The following DYNC1H1 variants were observed in gnomAD, a reference collection of about 807,000 sequenced individuals.
The protein encoded by DYNC1H1 is dynein cytoplasmic 1 heavy chain 1.
A neutral mutation model predicts 527.1 loss-of-function variants in DYNC1H1; 51 were observed. The observed-to-expected ratio is 0.10, with a 90% CI of 0.08 to 0.12. The LOEUF (loss-of-function observed/expected upper bound fraction) is 0.12. DYNC1H1 is among the 10% of genes least tolerant of loss of function. DYNC1H1 has a pLI of 1.00. For missense variants in DYNC1H1, 2,771 were observed against 5,971.8 expected (o/e 0.46, Z 17.66); for synonymous variants, 2,189 against 2,278.8 (o/e 0.96, Z 1.12).
chr14:101,981,422 C>T (rs2047862600), intron 5 of DYNC1H1, among the ~76,000 whole-genome samples: 1 of 152,226 alleles, frequency 6.6e-6, no homozygotes, highest in Non-Finnish European at 1.5e-5. Context: ...CACTCACAGT[C>T]ATTATTACAA....
chr14:102,016,039 C>T lies in DYNC1H1; in HGVS notation c.7426C>T (p.His2476Tyr), dbSNP rs557305014. ...CRNVAQYNAN[H>Y]PDFPMQIEQL... is the part of the protein sequence containing the mutation. ...CAACGTGGCGCAGTATAACGCCAACCATCCCGACTTCCCCATGCAGATCGA... is the reference window on the plus strand; with the variant it reads ...CAACGTGGCGCAGTATAACGCCAACTATCCCGACTTCCCCATGCAGATCGA... The change falls in exon 36 of 78, where the codon CAT becomes TAT. Residue 2476 changes from histidine (H) to tyrosine (Y), a missense_variant. Around this residue, in one of 32 missense-constraint regions of DYNC1H1, gnomAD observed 122 missense variants for 168.4 expected, o/e 0.72. Coordinates refer to ENST00000360184, the MANE Select transcript of DYNC1H1 (RefSeq NM_001376.5). This position sits in a 1 kb window ranked among gnomAD's most constrained non-coding sequence, Gnocchi z 7.3. 1.9e-6 allele frequency: 3 copies of T among 1,613,494 alleles called. No individual in the cohort carries two copies. Among genetic ancestry groups the T allele is most frequent in the Admixed American group, 1.7e-5 (1 of 59,992 alleles).
Position 102,015,806 on chromosome 14 carries a change from C to T in DYNC1H1, c.7243-50C>T. 1 of 1,600,134 alleles carries T rather than the reference C, an allele frequency of 6.2e-7. No individual in the cohort carries two copies. Among genetic ancestry groups the T allele is most frequent in the Non-Finnish European group, 8.5e-7 (1 of 1,171,074 alleles). On this transcript the variant is annotated intron_variant, in intron 35 of 77. Transcript: ENST00000360184. The surrounding 1 kb of genome is among the most constrained non-coding windows in gnomAD (Gnocchi z 6.9). ...TGGGACCAGGTTAGAATCGATGAAACTCGCCTGCCTTTTGAAAGATAGTTA... is the reference window on the plus strand; with the variant it reads ...TGGGACCAGGTTAGAATCGATGAAATTCGCCTGCCTTTTGAAAGATAGTTA...
rs370064490 is a variant in DYNC1H1, at chr14:102,043,925, G to T, written c.12564G>T (p.Ala4188=). 1.2e-6 allele frequency: 2 copies of T among 1,614,112 alleles called. No homozygotes were observed. Among genetic ancestry groups the T allele is most frequent in the African/African-American group, 2.7e-5 (2 of 74,934 alleles). ...ACTTCCTGCTGGCCTGGTTTCATGC[G>T]ATCATCCAAGAACGCTTACGATACG... is the stretch of plus-strand genomic sequence containing the variant. ...RLYFLLAWFH[A]IIQERLRYAP... Residue 4188 remains alanine (A), a synonymous_variant, in exon 70 of 78, where the codon GCG becomes GCT. Coordinates refer to ENST00000360184, the MANE Select transcript of DYNC1H1 (RefSeq NM_001376.5).
At chr14:102,043,001 G>A in intron 69 of DYNC1H1, 2 of 516,516 alleles carry the variant, frequency 3.9e-6, no homozygotes, top group Admixed American at 2.9e-5. Context: ...GTCTGGGCAG[G>A]CCAGGAGTGG....
In DYNC1H1 at chr14:102,004,565, G is replaced by A; in HGVS notation, c.4931G>A (p.Ser1644Asn). 1 of 1,614,026 alleles carries A rather than the reference G, an allele frequency of 6.2e-7. No homozygotes were observed. Among genetic ancestry groups the A allele is most frequent in the Non-Finnish European group, 8.5e-7 (1 of 1,179,952 alleles). The change falls in exon 24 of 78, where the codon AGC (serine) becomes AAC (asparagine). Residue 1644 changes from serine to asparagine, a missense_variant. This residue lies in a region of DYNC1H1 where 51 missense variants were observed against 189.2 expected (regional missense o/e 0.27). Coordinates refer to ENST00000360184, the MANE Select transcript of DYNC1H1 (RefSeq NM_001376.5). ...DEDLLEIIGN[S>N]KNVAKLQKHF... ...GATTTGCTTGAAATCATTGGAAACA[G>A]CAAGAATGTCGCTAAATTACAGAAA...
intron 28 of DYNC1H1, 59 bp from the exon 29 acceptor site, chr14:102,008,119 G>A (rs1424434365): frequency 6.2e-7 from 1 of 1,608,238 alleles, no homozygotes; most frequent in African/African-American, 1.3e-5. Context: ...GCAAGGGAGA[G>A]GGGAGACAAT....
At chr14:102,032,931 T>G in intron 52 of DYNC1H1, 134 bp from the exon 53 acceptor site, 1 of 886,438 alleles carries the variant, frequency 1.1e-6, no homozygotes, top group Non-Finnish European at 1.9e-6. Flanking sequence ...AGGGTCAGTC[T>G]AGCTCATCCC....
chr14:102,048,196 G>T, intron 73 of DYNC1H1, 168 bp downstream of exon 73: 1 of 899,848 alleles, frequency 1.1e-6, no homozygotes, highest in Non-Finnish European at 1.7e-6. Context: ...TGGGCAAGAT[G>T]AGTTGGCCCT....
intron 29 of DYNC1H1, among the ~76,000 whole-genome samples, chr14:102,008,660 G>A (rs1372234182): frequency 6.6e-6 from 1 of 152,130 alleles, no homozygotes; most frequent in Non-Finnish European, 1.5e-5. Flanking sequence ...GGTGGTGCAC[G>A]CCTATAATCC....
chr14:101,975,557 A>G (rs1047588149), intron 1 of DYNC1H1, among the ~76,000 whole-genome samples, 155 bp from the exon 2 acceptor site: 6 of 152,192 alleles, frequency 3.9e-5, no homozygotes, highest in African/African-American at 1.4e-4. Context: ...AGGAGTGAGG[A>G]AAAAAACGGA....
chr14:102,026,532 A>T (rs1025553635), intron 43 of DYNC1H1, 42 bp from the exon 44 acceptor site: 4 of 1,611,964 alleles, frequency 2.5e-6, no homozygotes, highest in Non-Finnish European at 3.4e-6. Flanking sequence ...AATAACTAAC[A>T]TTTTTTTCTA....
rs2048616518 is a variant in DYNC1H1, at chr14:102,039,380, C to T, written c.11461-32C>T. On this transcript the variant is annotated intron_variant, in intron 60 of 77. Transcript: ENST00000360184. The surrounding 1 kb of genome is among the most constrained non-coding windows in gnomAD (Gnocchi z 7.0). The stretch of plus-strand genomic sequence containing the variant: ...GAAGTTCAGCGGGGTGCCGAGGGAG[C>T]TGCCTCACCGCTGCCCACTGCTTCC... The T allele has an allele frequency of 6.2e-7, 1 of 1,611,118 alleles. No homozygotes were observed. Among genetic ancestry groups the T allele is most frequent in the South Asian group, 1.1e-5 (1 of 91,086 alleles).
chr14:101,994,214 G>C lies in DYNC1H1; in HGVS notation c.3046G>C (p.Glu1016Gln), dbSNP rs756929342. 33 of 1,614,216 alleles carry C rather than the reference G, an allele frequency of 2.0e-5. 1 individual carries two copies. Among genetic ancestry groups the C allele is most frequent in the Non-Finnish European group, 6.8e-6 (8 of 1,180,032 alleles). ...VGVHYELTEE[E>Q]KFYRNALTRM... ...TGTACATTACGAATTGACTGAGGAAGAGAAATTCTATCGGAATGCTTTAAC... is the reference window on the plus strand; with the variant it reads ...TGTACATTACGAATTGACTGAGGAACAGAAATTCTATCGGAATGCTTTAAC... The change falls in exon 12 of 78, where the codon GAG becomes CAG. Residue 1016 changes from glutamate to glutamine, a missense_variant. By Grantham distance (29) the Glu-to-Gln change is conservative. Transcript: ENST00000360184.
Position 102,050,560 on chromosome 14 carries a change from G to C in DYNC1H1, c.13938G>C (p.Glu4646Asp). The change falls in exon 78 of 78, where the codon GAG (glutamate) becomes GAC (aspartate). Residue 4646 changes from glutamate (E) to aspartate (D), a missense_variant. By Grantham distance (45) the Glu-to-Asp change is conservative. Around this residue, in one of 32 missense-constraint regions of DYNC1H1, gnomAD observed 106 missense variants for 139.2 expected, o/e 0.76. Transcript: ENST00000360184. ...YERGVAVLCT[E>D] The stretch of plus-strand genomic sequence containing the variant: ...GGGGTGTCGCAGTCTTGTGCACAGA[G>C]TAAACTTTTCTAGCTGCCCCTTTCT... 1 of 1,614,226 alleles carries C rather than the reference G, an allele frequency of 6.2e-7. No homozygotes were observed. Among genetic ancestry groups the C allele is most frequent in the Non-Finnish European group, 8.5e-7 (1 of 1,180,038 alleles).
rs2048628651 is a variant in DYNC1H1, at chr14:102,040,137, G to T, written c.11691-99G>T. The stretch of plus-strand genomic sequence containing the variant: ...TGAGATTATAGGCCTGAGCCACTGT[G>T]CCCGGCCTGTTTTCTCTTTTCTTAA... On this transcript the variant is annotated intron_variant, in intron 62 of 77. Transcript: ENST00000360184. 4 of 1,515,706 alleles carry T rather than the reference G, an allele frequency of 2.6e-6. No individual in the cohort carries two copies. The East Asian group carries it at 9.0e-5, about 34-fold the overall frequency. 93.9% of individuals were successfully genotyped at this position (1,515,706 alleles called of 1,614,324 possible). A position where few individuals can be genotyped will look rare whatever the true frequency, so the allele number is the denominator to read the frequency against.
chr14:101,997,791 A>G lies in DYNC1H1; in HGVS notation c.3804+517A>G, dbSNP rs2048080902. Among the ~76,000 whole-genome samples, 3 of 152,304 alleles carry G rather than the reference A, an allele frequency of 2.0e-5. No homozygotes were observed. Among genetic ancestry groups the G allele is most frequent in the South Asian group, 2.1e-4 (1 of 4,826 alleles). ...CCGACTGTGTTCCAGGCCTTGTTCT[A>G]GGTCATTGAGATATAGCAGTGAGTG... On this transcript the variant is annotated intron_variant, in intron 16 of 77. Transcript: ENST00000360184. This position sits in a 1 kb window ranked among gnomAD's most constrained non-coding sequence, Gnocchi z 4.8.
At position 102,041,762 on chromosome 14, in the gene DYNC1H1, C is replaced by T; in HGVS notation, c.12102+28C>T. 3 of 1,613,500 alleles carry T rather than the reference C, an allele frequency of 1.9e-6. No homozygotes were observed. Among genetic ancestry groups the T allele is most frequent in the Non-Finnish European group, 2.5e-6 (3 of 1,180,030 alleles). On this transcript the variant is annotated intron_variant, in intron 65 of 77. Transcript: ENST00000360184. The surrounding 1 kb of genome is among the most constrained non-coding windows in gnomAD (Gnocchi z 4.5). ...AATGTCCTGGTACAGCCCGGGCTTC[C>T]CACGAGACTCCATGCCCACCTCCCC...
chr14:101,980,074 C>A, intron 4 of DYNC1H1, 100 bp downstream of exon 4: 1 of 1,561,350 alleles, frequency 6.4e-7, no homozygotes, highest in Non-Finnish European at 8.7e-7. Context: ...TATGTGATAA[C>A]TTGTTAGTGG....
Position 101,997,103 on chromosome 14 carries a change from T to C in DYNC1H1, c.3633T>C (p.Ile1211=). 6.2e-7 allele frequency: 1 copy of C among 1,614,250 alleles called. No homozygotes were observed. The highest frequency in any genetic ancestry group is 8.5e-7 in the Non-Finnish European group (1 of 1,180,050). The change falls in exon 16 of 78, where the codon ATT becomes ATC. Residue 1211 remains isoleucine (I), a synonymous_variant. Transcript: ENST00000360184. This position sits in a 1 kb window ranked among gnomAD's most constrained non-coding sequence, Gnocchi z 4.8. Reference sequence around the variant, plus strand: ...AGTTCCCACCTTCCTGGCTTTATATTGACAACATCGAGGGAGAGTGGGGAG... The same window carrying C: ...AGTTCCCACCTTCCTGGCTTTATATCGACAACATCGAGGGAGAGTGGGGAG... ...RFQFPPSWLY[I]DNIEGEWGAF... is the part of the protein sequence containing the mutation.
Sources: gnomAD v4.1 joint callset for allele counts (sites outside exome capture counted in the v4.1 genomes callset) on GRCh38, gnomAD v4.1.1 for gene constraint, gnomAD v4.1.1 regional missense constraint, Gnocchi (gnomAD v3.1) non-coding constraint, MANE v1.5 for transcripts, NCBI Gene and HGNC (gene_info 2026-07-23, HGNC 2026-07-21) for gene names.